The following PRKDC variants were observed in gnomAD, a reference collection of about 807,000 sequenced individuals.
PRKDC encodes DNA-dependent protein kinase catalytic subunit.
In PRKDC, 82 loss-of-function variants were observed where a neutral mutation model predicts 486.9. That is an observed-to-expected ratio of 0.17 (90% CI 0.14 to 0.20). The LOEUF is 0.20. Ranked by LOEUF, PRKDC falls within the 10% of genes least tolerant of loss-of-function variation. The probability of loss-of-function intolerance (pLI) is 1.00; values close to 1 mark genes in which losing one functional copy is unlikely to be tolerated. For synonymous variants in PRKDC, 1,895 were observed against 1,837.0 expected (o/e 1.03, Z -0.81); for missense variants, 4,504 against 5,038.2 (o/e 0.89, Z 3.21).
At position 47,819,460 on chromosome 8, in the gene PRKDC, C is replaced by G; in HGVS notation, c.9387G>C (p.Leu3129Phe). 6.5e-7 allele frequency: 1 copy of G among 1,538,488 alleles called. No homozygotes were observed. The highest frequency in any genetic ancestry group is 2.4e-5 in the East Asian group (1 of 41,428). The change falls in exon 67 of 86, where the codon TTG (leucine) becomes TTC (phenylalanine). Residue 3129 changes from leucine (L) to phenylalanine (F), a missense_variant. Physicochemically the swap from Leu to Phe is conservative, Grantham distance 22 (BLOSUM62 0). Coordinates refer to ENST00000314191, the MANE Select transcript of PRKDC (RefSeq NM_006904.7). ...VLLHQSRLTK[L>F]QSVQALTEIQ... ...TTTCTGTTAAAGCCTGTACAGACTG[C>G]AATTTGGTGAGTCTACTTTGGTGTA...
chr8:47,854,687 C>A lies in PRKDC; in HGVS notation c.6762-473G>T, dbSNP rs573990294. On this transcript the variant is annotated intron_variant, in intron 50 of 85. Transcript: ENST00000314191. ...ATCTTCAGGGTAAGAAATGCTTTTT[C>A]TTTATTTCTGTTTCTTCCCCAGGTC... Among the ~76,000 whole-genome samples the A allele has an allele frequency of 2.9e-4, 44 of 152,288 alleles. No individual in the cohort carries two copies. In the South Asian group the frequency reaches 8.9e-3, roughly 31 times the overall value.
chr8:47,918,361 T>C lies in PRKDC; in HGVS notation c.2442A>G (p.Glu814=), dbSNP rs1437723588. 1.9e-6 allele frequency: 3 copies of C among 1,584,496 alleles called. No individual in the cohort carries two copies. Among genetic ancestry groups the C allele is most frequent in the Non-Finnish European group, 2.6e-6 (3 of 1,164,306 alleles). ...ALSDETKNNW[E]VSALSRAAQK... ...GGGCAGCCCGAGAAAGAGCTGACAC[T>C]TCCCAGTTATTCTTGGTCTCATCTA... Residue 814 remains glutamate, a synonymous_variant, in exon 22 of 86, where the codon GAA becomes GAG. Transcript: ENST00000314191.
Position 47,782,192 on chromosome 8 carries a change from A to G in PRKDC, c.11459T>C (p.Met3820Thr). Residue 3820 changes from methionine to threonine, a missense_variant, in exon 80 of 86, where the codon ATG (methionine) becomes ACG (threonine). Transcript: ENST00000314191. This position sits in a 1 kb window ranked among gnomAD's most constrained non-coding sequence, Gnocchi z 4.9. ...VTLKDLLLNT[M>T]SQEEKAAYLS... The stretch of plus-strand genomic sequence containing the variant: ...GTAAGCCGCCTTCTCCTCTTGGGAC[A>G]TGGTGTTCAAAAGAAGGTCCTTCAA... 1 of 1,613,966 alleles carries G rather than the reference A, an allele frequency of 6.2e-7. No individual in the cohort carries two copies. The highest frequency in any genetic ancestry group is 8.5e-7 in the Non-Finnish European group (1 of 1,179,846).
intron 25 of PRKDC, among the ~76,000 whole-genome samples, chr8:47,907,505 C>T (rs1033320609): frequency 1.3e-5 from 2 of 148,662 alleles, no homozygotes; most frequent in African/African-American, 2.5e-5. Flanking sequence ...TAACCACTGT[C>T]GACTTTCAAA....
intron 57 of PRKDC, 31 bp downstream of exon 57, chr8:47,837,180 AT>A (rs755566331): frequency 1.3e-6 from 2 of 1,567,902 alleles, no homozygotes; most frequent in African/African-American, 2.7e-5. Context: ...AGCCTATAAT[AT>A]TCACTACTAT....
At chr8:47,783,551 T>C (rs2086736011) in intron 78 of PRKDC, among the ~76,000 whole-genome samples, 191 bp downstream of exon 78, 1 of 151,362 alleles carries the variant, frequency 6.6e-6, no homozygotes, top group African/African-American at 2.4e-5. Context: ...GACCGTCCCA[T>C]TGCACTCCAG....
rs551533963 is a variant in PRKDC at position 47,886,340 on chromosome 8, A to C, written c.4573-193T>G. On this transcript the variant is annotated intron_variant, in intron 35 of 85. Coordinates refer to ENST00000314191, the MANE Select transcript of PRKDC (RefSeq NM_006904.7). The stretch of plus-strand genomic sequence containing the variant: ...TCCATTTTCTAGGTTTCATTTTGGG[A>C]AAGAAATCTTCCTTGACCCATATTT... 2.9e-4 allele frequency among the ~76,000 whole-genome samples: 44 copies of C among 152,316 alleles called. No homozygotes were observed. The South Asian group carries it at 8.9e-3, about 31-fold the overall frequency.
chr8:47,848,026 T>C (rs543718606), intron 54 of PRKDC, among the ~76,000 whole-genome samples: 3 of 152,288 alleles, frequency 2.0e-5, no homozygotes, highest in East Asian at 3.9e-4. Flanking sequence ...GGAACACTTA[T>C]ACATGGTTGG....
chr8:47,949,552 A>G (rs1022645914), intron 7 of PRKDC, among the ~76,000 whole-genome samples: 2 of 152,352 alleles, frequency 1.3e-5, no homozygotes, highest in East Asian at 3.9e-4. Context: ...AAGTAAACAT[A>G]AAGACAAATA....
intron 3 of PRKDC, 95 bp downstream of exon 3, chr8:47,957,076 G>T: frequency 1.2e-4 from 92 of 738,444 alleles, no homozygotes; most frequent in East Asian, 2.9e-4. Context: ...AAAGGAAAAT[G>T]TTTTATCTTT....
chr8:47,790,744 C>G (rs571564293), intron 74 of PRKDC, among the ~76,000 whole-genome samples: 1 of 152,124 alleles, frequency 6.6e-6, no homozygotes, highest in African/African-American at 2.4e-5. Flanking sequence ...AATAGAGAAC[C>G]CAGAAATAAA....
At chr8:47,835,459 T>C (rs551800856) in intron 58 of PRKDC, among the ~76,000 whole-genome samples, 1 of 151,250 alleles carries the variant, frequency 6.6e-6, no homozygotes, top group Non-Finnish European at 1.5e-5. Context: ...TCTACTAAAA[T>C]ACAAAAATTT....
intron 51 of PRKDC, 84 bp from the exon 52 acceptor site, chr8:47,852,868 G>A: frequency 1.1e-6 from 1 of 914,090 alleles, no homozygotes. Flanking sequence ...TCCTTCTCAT[G>A]TCATATTGAC....
chr8:47,887,005 T>C (rs141439514), intron 35 of PRKDC, among the ~76,000 whole-genome samples: 2 of 152,332 alleles, frequency 1.3e-5, no homozygotes, highest in Non-Finnish European at 2.9e-5. Context: ...AAATATGTAA[T>C]TGTTTACATT....
chr8:47,890,156 A>AATT, intron 32 of PRKDC, 101 bp downstream of exon 32: 2 of 462,118 alleles, frequency 4.3e-6, no homozygotes, highest in Non-Finnish European at 3.4e-6. Context: ...TAATAATAAT[A>AATT]ATGATAAATT....
At chr8:47,944,445 AG>A (rs1286409314) in intron 7 of PRKDC, among the ~76,000 whole-genome samples, 1 of 151,298 alleles carries the variant, frequency 6.6e-6, no homozygotes, top group Non-Finnish European at 1.5e-5. Flanking sequence ...CAATACACCC[AG>A]GCATTTATTC....
At chr8:47,806,348 C>T (rs1280536360) in intron 69 of PRKDC, among the ~76,000 whole-genome samples, 1 of 152,210 alleles carries the variant, frequency 6.6e-6, no homozygotes, top group Non-Finnish European at 1.5e-5. Flanking sequence ...GTTCAGATCG[C>T]CCCTTCTGGC....
At chr8:47,953,573 G>C in intron 7 of PRKDC, 47 bp downstream of exon 7, 1 of 1,496,176 alleles carries the variant, frequency 6.7e-7, no homozygotes, top group Non-Finnish European at 9.2e-7. Context: ...TTGCTGGTTA[G>C]ACTTACAGTT....
chr8:47,852,924 A>C (rs2088443795), intron 51 of PRKDC, 140 bp from the exon 52 acceptor site: 5 of 635,424 alleles, frequency 7.9e-6, no homozygotes, highest in Non-Finnish European at 1.1e-5. Context: ...TGCAAATTCC[A>C]TGCACAAATG....
Sources: allele counts gnomAD v4.1 joint callset (sites outside exome capture counted in the v4.1 genomes callset), GRCh38; gene constraint gnomAD v4.1.1; non-coding constraint Gnocchi (gnomAD v3.1); transcripts MANE v1.5; gene names NCBI Gene and HGNC (gene_info 2026-07-23, HGNC 2026-07-21).